SPATA17: variants seen among roughly 807,000 people sequenced by gnomAD.
SPATA17 encodes spermatogenesis associated 17, also known as spermatogenesis-associated protein 17.
SPATA17 carries 53 observed loss-of-function variants against 62.2 expected under a neutral mutation model. That is an observed-to-expected ratio of 0.85 (90% CI 0.68 to 1.07). SPATA17 has a LOEUF of 1.07. SPATA17 is among the 50% of genes least tolerant of loss of function. The pLI, the probability that SPATA17 is intolerant of heterozygous loss-of-function variation, is 0.00. For synonymous variants in SPATA17, 146 were observed against 146.8 expected (o/e 0.99, Z 0.04); for missense variants, 466 against 425.5 (o/e 1.10, Z -0.84).
At chr1:217,836,443 GT>G (rs1179902676) in intron 9 of SPATA17, among the ~76,000 whole-genome samples, 6 of 152,154 alleles carry the variant, frequency 3.9e-5, no homozygotes, top group African/African-American at 1.4e-4. Flanking sequence ...GACAAAAGCT[GT>G]GAGTTGTTTG....
chr1:217,859,294 T>A (rs900094342), intron 9 of SPATA17, among the ~76,000 whole-genome samples: 42 of 148,368 alleles, frequency 2.8e-4, no homozygotes, highest in South Asian at 1.3e-3. Flanking sequence ...ATTCTCCATA[T>A]ATAATTTTCT....
chr1:217,810,123 C>T (rs1046530565), intron 9 of SPATA17, among the ~76,000 whole-genome samples: 2 of 152,066 alleles, frequency 1.3e-5, no homozygotes, highest in South Asian at 4.2e-4. Flanking sequence ...TGGTTTTATA[C>T]AACAGATTCA....
chr1:217,812,343 T>A (rs1674610056), intron 9 of SPATA17, among the ~76,000 whole-genome samples: 1 of 152,120 alleles, frequency 6.6e-6, no homozygotes, highest in Non-Finnish European at 1.5e-5. Context: ...GCTATTGAAC[T>A]GAAGAGCACT....
intron 9 of SPATA17, among the ~76,000 whole-genome samples, chr1:217,841,544 T>C (rs1675402907): frequency 6.6e-6 from 1 of 152,036 alleles, no homozygotes. Context: ...ATATTGTTCA[T>C]TTCTTCTAGA....
At chr1:217,749,374 T>G (rs1672843110) in intron 6 of SPATA17, among the ~76,000 whole-genome samples, 1 of 152,220 alleles carries the variant, frequency 6.6e-6, no homozygotes, top group African/African-American at 2.4e-5. Context: ...GAATATTACA[T>G]TTATGATCTT....
intron 6 of SPATA17, among the ~76,000 whole-genome samples, chr1:217,771,603 T>C (rs1261980951): frequency 1.3e-5 from 2 of 152,190 alleles, no homozygotes; most frequent in East Asian, 1.9e-4. Context: ...ACTGTTTTTA[T>C]TGACATAACT....
intron 6 of SPATA17, among the ~76,000 whole-genome samples, chr1:217,752,405 A>T (rs755809358): frequency 6.6e-6 from 1 of 152,186 alleles, no homozygotes; most frequent in Non-Finnish European, 1.5e-5. Flanking sequence ...CAACATCTTA[A>T]AATCTAAAAA....
intron 9 of SPATA17, among the ~76,000 whole-genome samples, chr1:217,854,084 G>A (rs565306015): frequency 6.6e-6 from 1 of 152,180 alleles, no homozygotes; most frequent in South Asian, 2.1e-4. Flanking sequence ...TTGGAAGTGA[G>A]GTACAGAAAC....
intron 8 of SPATA17, among the ~76,000 whole-genome samples, chr1:217,793,739 G>T (rs1674063971): frequency 6.6e-6 from 1 of 152,132 alleles, no homozygotes; most frequent in African/African-American, 2.4e-5. Context: ...GCAAGAAAGA[G>T]AACCAGGAGC....
At chr1:217,663,321 T>G (rs1408896911) in intron 3 of SPATA17, among the ~76,000 whole-genome samples, 1 of 151,882 alleles carries the variant, frequency 6.6e-6, no homozygotes, top group East Asian at 1.9e-4. Context: ...GGCTCGCGCT[T>G]GTAATCCCAG....
rs958701486 is a variant in SPATA17 at position 217,845,163 on chromosome 1, T to A, written c.1006-17611T>A. Among the ~76,000 whole-genome samples, 4 of 152,166 alleles carry A rather than the reference T, an allele frequency of 2.6e-5. No individual in the cohort carries two copies. In the East Asian group the frequency reaches 7.7e-4, roughly 29 times the overall value. On this transcript the variant is annotated intron_variant, in intron 9 of 10. Transcript: ENST00000366933. ...GCAAATATTCTCTAACACTTAACTT[T>A]TCTTTAGGTTCCTGCAGAGGATGAC...
chr1:217,792,055 TA>T (rs1461742816), intron 8 of SPATA17, among the ~76,000 whole-genome samples: 1 of 152,248 alleles, frequency 6.6e-6, no homozygotes, highest in East Asian at 1.9e-4. Context: ...ACACTAATGA[TA>T]GCTGATAAAC....
At chr1:217,816,884 G>A (rs1674730148) in intron 9 of SPATA17, among the ~76,000 whole-genome samples, 1 of 152,048 alleles carries the variant, frequency 6.6e-6, no homozygotes, top group South Asian at 2.1e-4. Context: ...TATTCTCTCA[G>A]CATGATGCTA....
At chr1:217,664,684 A>T (rs1167791596) in intron 3 of SPATA17, among the ~76,000 whole-genome samples, 1 of 152,098 alleles carries the variant, frequency 6.6e-6, no homozygotes, top group African/African-American at 2.4e-5. Context: ...AAGGAAGGAT[A>T]AGAACACCTA....
At chr1:217,647,161 C>T (rs1479955099) in intron 1 of SPATA17, among the ~76,000 whole-genome samples, 3 of 152,176 alleles carry the variant, frequency 2.0e-5, no homozygotes, top group Admixed American at 6.5e-5. Flanking sequence ...TTTAGTAAAA[C>T]GTATTTATTT....
At chr1:217,831,894 C>G (rs966491003) in intron 9 of SPATA17, among the ~76,000 whole-genome samples, 1 of 152,132 alleles carries the variant, frequency 6.6e-6, no homozygotes, top group Non-Finnish European at 1.5e-5. Flanking sequence ...TTTTATTTGT[C>G]AACATATTCA....
chr1:217,661,323 C>G (rs986848487), intron 3 of SPATA17, among the ~76,000 whole-genome samples: 7 of 151,792 alleles, frequency 4.6e-5, no homozygotes, highest in African/African-American at 1.7e-4. Context: ...TTGGAGTTGT[C>G]AAATGTGAAG....
intron 5 of SPATA17, among the ~76,000 whole-genome samples, chr1:217,734,899 A>C (rs1421320024): frequency 6.6e-6 from 1 of 152,112 alleles, no homozygotes; most frequent in Non-Finnish European, 1.5e-5. Context: ...CATTTTTATT[A>C]GTTCCAAAGT....
At chr1:217,653,048 G>T (rs1670361464) in intron 3 of SPATA17, among the ~76,000 whole-genome samples, 1 of 152,184 alleles carries the variant, frequency 6.6e-6, no homozygotes, top group South Asian at 2.1e-4. Context: ...AGTTTGCTTA[G>T]AGTAATATGA....
Sources: gnomAD v4.1 joint callset for allele counts (sites outside exome capture counted in the v4.1 genomes callset) on GRCh38, gnomAD v4.1.1 for gene constraint, MANE v1.5 for transcripts, NCBI Gene and HGNC (gene_info 2026-07-23, HGNC 2026-07-21) for gene names.